The following ST8SIA5 variants were observed in gnomAD, a reference collection of about 807,000 sequenced individuals.
ST8SIA5 encodes the protein ST8 alpha-N-acetyl-neuraminide alpha-2,8-sialyltransferase 5.
ST8SIA5 carries 24 observed loss-of-function variants against 40.2 expected under a neutral mutation model. The observed-to-expected ratio is 0.60, with a 90% CI of 0.43 to 0.84. The LOEUF (loss-of-function observed/expected upper bound fraction) is 0.84, where lower values mean the gene tolerates loss of function less well. Ranked by LOEUF, ST8SIA5 falls within the 40% of genes least tolerant of loss-of-function variation. ST8SIA5 has a pLI of 0.00. For synonymous variants in ST8SIA5, 198 were observed against 201.8 expected (o/e 0.98, Z 0.16); for missense variants, 465 against 498.5 (o/e 0.93, Z 0.64).
chr18:46,684,593 G>A (rs2039427693), intron 5 of ST8SIA5, among the ~76,000 whole-genome samples: 1 of 152,160 alleles, frequency 6.6e-6, no homozygotes, highest in African/African-American at 2.4e-5. Flanking sequence ...CAGCTTCAGA[G>A]CCTGTGGACA....
At chr18:46,703,803 C>T (rs747102113) in intron 2 of ST8SIA5, among the ~76,000 whole-genome samples, 5 of 152,134 alleles carry the variant, frequency 3.3e-5, no homozygotes, top group Non-Finnish European at 7.4e-5. Context: ...TAATATAGTA[C>T]CAATTCTTCT....
At chr18:46,686,066 G>A (rs1219727644) in intron 5 of ST8SIA5, 108 bp downstream of exon 5, 1 of 1,011,456 alleles carries the variant, frequency 9.9e-7, no homozygotes, top group African/African-American at 1.6e-5. Flanking sequence ...CTGCAGGGGT[G>A]GGAAGTGGGG....
At chr18:46,710,967 C>A (rs2039726435) in intron 1 of ST8SIA5, among the ~76,000 whole-genome samples, 1 of 152,214 alleles carries the variant, frequency 6.6e-6, no homozygotes, top group Non-Finnish European at 1.5e-5. Flanking sequence ...GCACAAACAC[C>A]TGTTAAATCT....
intron 1 of ST8SIA5, chr18:46,721,321 T>A: frequency 6.6e-7 from 1 of 1,511,592 alleles, no homozygotes; most frequent in Non-Finnish European, 8.9e-7. Context: ...CACCCCGGGT[T>A]GAGCTTCCCC....
chr18:46,682,542 A>G (rs191371151), intron 5 of ST8SIA5, among the ~76,000 whole-genome samples: 10 of 152,370 alleles, frequency 6.6e-5, no homozygotes, highest in Admixed American at 3.9e-4. Flanking sequence ...CACATATTGC[A>G]TGCAAAAGCA....
chr18:46,698,127 A>G (rs2144490921), intron 2 of ST8SIA5, among the ~76,000 whole-genome samples: 1 of 151,954 alleles, frequency 6.6e-6, no homozygotes, highest in East Asian at 1.9e-4. Context: ...ACAACCCAAC[A>G]CACCAGCAAT....
Position 46,756,558 on chromosome 18 carries a change from A to G in ST8SIA5, c.-50T>C. On this transcript the variant is annotated 5_prime_UTR_variant, in exon 1 of 7. Transcript: ENST00000315087. The stretch of plus-strand genomic sequence containing the variant: ...CGGGGTACGGGGCGGCCAGGCAATG[A>G]CTCGCGGGGTTCCGGGGCCCCGGGG... The G allele has an allele frequency of 6.3e-7, 1 of 1,594,816 alleles. No homozygotes were observed.
At chr18:46,722,589 C>G (rs1226169138) in intron 1 of ST8SIA5, among the ~76,000 whole-genome samples, 1 of 152,252 alleles carries the variant, frequency 6.6e-6, no homozygotes, top group Non-Finnish European at 1.5e-5. Flanking sequence ...CCAGGGCAGG[C>G]TTTCTCAGCC....
Position 46,738,472 on chromosome 18 carries a change from T to C in ST8SIA5, c.131+17906A>G, listed in dbSNP as rs146870718. Among the ~76,000 whole-genome samples, 619 of 152,266 alleles carry C rather than the reference T, an allele frequency of 4.1e-3. 2 individuals carry two copies. The highest frequency in any genetic ancestry group is 0.014 in the African/African-American group (573 of 41,556). On this transcript the variant is annotated intron_variant, in intron 1 of 6. Transcript: ENST00000315087. ...AAAGAGGTCCTCATTCTCAGGCTCA[T>C]GTAAGTACAAAGTTAACGCCTGAGA...
rs529211476 is a variant in ST8SIA5, at chr18:46,676,331, C to T, written c.*3711G>A. On this transcript the variant is annotated 3_prime_UTR_variant, in exon 7 of 7. Transcript: ENST00000315087. ...GTATACACACACACCAGACCACAAA[C>T]TCCCGGAGGGCAGGGACGACGTTTT... The T allele has an allele frequency of 2.0e-5, 3 of 152,378 alleles. No individual in the cohort carries two copies. The highest frequency in any genetic ancestry group is 7.2e-5 in the African/African-American group (3 of 41,570). 9.4% of individuals were successfully genotyped at this position (152,378 alleles called of 1,614,324 possible). A position where few individuals can be genotyped will look rare whatever the true frequency, so the allele number is the denominator to read the frequency against.
At chr18:46,730,291 A>G (rs2039973636) in intron 1 of ST8SIA5, 40 of 979,748 alleles carry the variant, frequency 4.1e-5, no homozygotes, top group Non-Finnish European at 4.7e-5. Flanking sequence ...TCAGCATTGA[A>G]CCTCTTGAAG....
intron 1 of ST8SIA5, chr18:46,730,150 C>T: frequency 6.1e-6 from 6 of 985,014 alleles, no homozygotes; most frequent in Non-Finnish European, 7.2e-6. Context: ...TAACACCAGC[C>T]CCAGAAGTGG....
At chr18:46,686,979 C>T (rs1187661608) in intron 4 of ST8SIA5, among the ~76,000 whole-genome samples, 1 of 152,094 alleles carries the variant, frequency 6.6e-6, no homozygotes, top group Non-Finnish European at 1.5e-5. Flanking sequence ...CAGAGTCTCA[C>T]AGATAGGAGG....
At chr18:46,721,438 G>A in intron 1 of ST8SIA5, 2 of 1,536,138 alleles carry the variant, frequency 1.3e-6, no homozygotes, top group Non-Finnish European at 1.7e-6. Context: ...TTGGTCAGCT[G>A]GTCACCACTC....
At chr18:46,754,214 T>C (rs1314445827) in intron 1 of ST8SIA5, among the ~76,000 whole-genome samples, 1 of 152,072 alleles carries the variant, frequency 6.6e-6, no homozygotes, top group Non-Finnish European at 1.5e-5. Context: ...GGGTCAGGTG[T>C]GGGAGAGACG....
At chr18:46,734,872 T>C (rs766069264) in intron 1 of ST8SIA5, among the ~76,000 whole-genome samples, 10 of 152,322 alleles carry the variant, frequency 6.6e-5, no homozygotes, top group Middle Eastern at 6.8e-3. Context: ...AATGTGATGG[T>C]TAACTTTAAG....
intron 2 of ST8SIA5, among the ~76,000 whole-genome samples, chr18:46,694,690 T>A (rs1311844716): frequency 6.6e-6 from 1 of 152,092 alleles, no homozygotes; most frequent in African/African-American, 2.4e-5. Context: ...TCACTGTGGC[T>A]CTTACCCTGG....
Position 46,756,403 on chromosome 18 carries a change from G to T in ST8SIA5, c.106C>A (p.Leu36Met), listed in dbSNP as rs763179502. Residue 36 changes from leucine (L) to methionine (M), a missense_variant, in exon 1 of 7, where the codon CTG (leucine) becomes ATG (methionine). Physicochemically the swap from Leu to Met is conservative, Grantham distance 15. Coordinates refer to ENST00000315087, the MANE Select transcript of ST8SIA5 (RefSeq NM_013305.6). Reference protein sequence around the residue: ...FALVTLLQQILYGRNYIKRYF... With the variant: ...FALVTLLQQIMYGRNYIKRYF... ...CTCTTAATGTAGTTCCTGCCATACA[G>T]GATCTGTTGCAGCAAGGTCACCAAG... 3 of 1,612,932 alleles carry T rather than the reference G, an allele frequency of 1.9e-6. No individual in the cohort carries two copies. The highest frequency in any genetic ancestry group is 2.5e-6 in the Non-Finnish European group (3 of 1,179,274).
intron 1 of ST8SIA5, among the ~76,000 whole-genome samples, chr18:46,715,424 G>A (rs761594644): frequency 1.3e-5 from 2 of 152,164 alleles, no homozygotes; most frequent in African/African-American, 2.4e-5. Context: ...CACTTGGGAA[G>A]GCAGGAGGGA....
Sources: allele counts gnomAD v4.1 joint callset (sites outside exome capture counted in the v4.1 genomes callset), GRCh38; gene constraint gnomAD v4.1.1; transcripts MANE v1.5; gene names NCBI Gene and HGNC (gene_info 2026-07-23, HGNC 2026-07-21).